LIMA1: variants seen among roughly 807,000 people sequenced by gnomAD.
LIMA1 encodes LIM domain and actin-binding protein 1.
A neutral mutation model predicts 62.6 loss-of-function variants in LIMA1; 52 were observed. The ratio of observed to expected loss-of-function variants is 0.83; its 90% CI spans 0.67 to 1.05. The LOEUF (loss-of-function observed/expected upper bound fraction) is 1.05. LIMA1 is among the 50% of genes least tolerant of loss of function. LIMA1 has a pLI of 0.00. For synonymous variants in LIMA1, 302 were observed against 317.8 expected (o/e 0.95, Z 0.53); for missense variants, 780 against 902.2 (o/e 0.86, Z 1.74).
intron 1 of LIMA1, among the ~76,000 whole-genome samples, chr12:50,262,455 C>T (rs1231330337): frequency 6.6e-6 from 1 of 151,930 alleles, no homozygotes; most frequent in Non-Finnish European, 1.5e-5. Context: ...GAGGTTCCCT[C>T]ATCAAATGCT....
chr12:50,261,636 T>C (rs898907774), intron 1 of LIMA1, among the ~76,000 whole-genome samples: 1 of 152,104 alleles, frequency 6.6e-6, no homozygotes, highest in Non-Finnish European at 1.5e-5. Context: ...CTATAAGTTC[T>C]CAAAGTATTA....
intron 1 of LIMA1, among the ~76,000 whole-genome samples, chr12:50,272,311 C>T (rs551865010): frequency 1.4e-4 from 22 of 151,870 alleles, no homozygotes; most frequent in African/African-American, 4.1e-4. Context: ...AGAAGCTGGC[C>T]GGGCACGGTG....
intron 1 of LIMA1, among the ~76,000 whole-genome samples, chr12:50,280,144 A>ATTTTTTTTTTTTTTT (rs71441354): frequency 1.5e-4 from 10 of 68,310 alleles, no homozygotes; most frequent in African/African-American, 5.4e-4. Context: ...GGGTAGTAGT[A>ATTTTTTTTTTTTTTT]TTTTTTTTTT....
At chr12:50,213,768 C>G (rs1170674158) in intron 4 of LIMA1, among the ~76,000 whole-genome samples, 1 of 152,208 alleles carries the variant, frequency 6.6e-6, no homozygotes, top group Non-Finnish European at 1.5e-5. Flanking sequence ...TGAAGTCTTT[C>G]TAGCCCCCTT....
chr12:50,245,699 C>G (rs572694196), intron 2 of LIMA1, among the ~76,000 whole-genome samples: 1 of 151,352 alleles, frequency 6.6e-6, no homozygotes, highest in Admixed American at 6.6e-5. Flanking sequence ...TGCTACAGCA[C>G]CCCCAGTGAG....
At position 50,205,914 on chromosome 12, in the gene LIMA1, G is replaced by A. The variant is rs541950869; in HGVS notation, c.715+70C>T. On this transcript the variant is annotated intron_variant, in intron 5 of 10. Transcript: ENST00000341247. ...CTCTTCCTTTAAAAGCATTGGCTTCGAGTCCAAAAGATGTTACTACTAGTG... is the reference window on the plus strand; with the variant it reads ...CTCTTCCTTTAAAAGCATTGGCTTCAAGTCCAAAAGATGTTACTACTAGTG... 1.3e-4 allele frequency: 143 copies of A among 1,084,368 alleles called. 1 individual carries two copies. In the Middle Eastern group the frequency reaches 2.2e-3, roughly 16 times the overall value. 67.2% of individuals were successfully genotyped at this position (1,084,368 alleles called of 1,614,324 possible).
At chr12:50,248,868 G>C in intron 1 of LIMA1, 94 bp from the exon 2 acceptor site, 1 of 695,574 alleles carries the variant, frequency 1.4e-6, no homozygotes, top group Non-Finnish European at 2.6e-6. Context: ...TAAACTTGCA[G>C]ACCACACTCC....
rs144016161 is a variant in LIMA1 at position 50,193,941 on chromosome 12, C to T, written c.1031-1380G>A. Reference sequence around the variant, plus strand: ...TCAACCTCACGAAGTGCTGGGATTACAGGCATGAGCCATAGCGCCCAGCAA... The same window carrying T: ...TCAACCTCACGAAGTGCTGGGATTATAGGCATGAGCCATAGCGCCCAGCAA... On this transcript the variant is annotated intron_variant, in intron 8 of 10. Transcript: ENST00000341247. Among the ~76,000 whole-genome samples the T allele has an allele frequency of 7.4e-3, 1,106 of 148,596 alleles. 15 individuals carry two copies. The highest frequency in any genetic ancestry group is 0.026 in the African/African-American group (1,047 of 40,554).
intron 9 of LIMA1, among the ~76,000 whole-genome samples, chr12:50,192,046 A>C (rs1368273672): frequency 1.3e-5 from 2 of 149,622 alleles, no homozygotes; most frequent in African/African-American, 4.9e-5. Flanking sequence ...GAGACAGGAG[A>C]ATTGCTTGAA....
intron 9 of LIMA1, among the ~76,000 whole-genome samples, chr12:50,184,432 C>T (rs942088552): frequency 5.9e-5 from 9 of 152,088 alleles, no homozygotes; most frequent in South Asian, 2.1e-4. Context: ...CACTTGAGGT[C>T]GAAGTTCCAG....
intron 2 of LIMA1, among the ~76,000 whole-genome samples, chr12:50,243,468 C>T (rs1039409261): frequency 1.3e-5 from 2 of 152,184 alleles, no homozygotes; most frequent in Admixed American, 6.5e-5. Context: ...ACCCTCAACG[C>T]GCCTGATCTC....
chr12:50,240,101 A>AG (rs1565854766), intron 2 of LIMA1, among the ~76,000 whole-genome samples: 4 of 152,120 alleles, frequency 2.6e-5, no homozygotes, highest in Non-Finnish European at 5.9e-5. Context: ...TGAGAAAATG[A>AG]CCTGTAGGCT....
At chr12:50,282,291 T>C (rs930489032) in intron 1 of LIMA1, among the ~76,000 whole-genome samples, 1 of 152,180 alleles carries the variant, frequency 6.6e-6, no homozygotes, top group African/African-American at 2.4e-5. Context: ...TCCTGAAATA[T>C]TTAGCATTTG....
intron 2 of LIMA1, among the ~76,000 whole-genome samples, chr12:50,247,612 T>TTAC (rs1296912518): frequency 6.8e-6 from 1 of 146,908 alleles, no homozygotes; most frequent in Admixed American, 6.8e-5. Context: ...GGAATTATTA[T>TTAC]TATTATTATT....
chr12:50,240,056 C>CATAACATAAG lies in LIMA1; in HGVS notation c.120-8347_120-8346insCTTATGTTAT, dbSNP rs550347743. 7.1e-5 allele frequency among the ~76,000 whole-genome samples: 8 copies of CATAACATAAG among 113,182 alleles called. No homozygotes were observed. In the Admixed American group the frequency reaches 7.3e-4, roughly 10 times the overall value. The allele number at this position is 113,182 out of a possible 152,430, so 74.3% of individuals were successfully genotyped here. A position where few individuals can be genotyped will look rare whatever the true frequency, so the allele number is the denominator to read the frequency against. ...CATAACATAACATAACATAACATAA[C>CATAACATAAG]ATAAAATAAAAAATTTTTAAAAGGA... On this transcript the variant is annotated intron_variant, in intron 2 of 10. Coordinates refer to ENST00000341247, the MANE Select transcript of LIMA1 (RefSeq NM_016357.5).
At chr12:50,214,552 T>C (rs1312209990) in intron 4 of LIMA1, among the ~76,000 whole-genome samples, 1 of 152,272 alleles carries the variant, frequency 6.6e-6, no homozygotes, top group African/African-American at 2.4e-5. Context: ...CTCACACCTA[T>C]AATCCCAGCA....
At chr12:50,262,148 CCTT>C (rs926364554) in intron 1 of LIMA1, among the ~76,000 whole-genome samples, 7 of 152,134 alleles carry the variant, frequency 4.6e-5, no homozygotes, top group African/African-American at 1.4e-4. Context: ...TTAGTTAACT[CCTT>C]CTACTGAGAT....
chr12:50,199,919 G>C (rs1402700294), intron 7 of LIMA1, among the ~76,000 whole-genome samples: 1 of 151,494 alleles, frequency 6.6e-6, no homozygotes, highest in Non-Finnish European at 1.5e-5. Flanking sequence ...TTGAGATGGA[G>C]TTTCGCTCTT....
At chr12:50,276,517 T>G (rs1309518809) in intron 1 of LIMA1, among the ~76,000 whole-genome samples, 1 of 152,170 alleles carries the variant, frequency 6.6e-6, no homozygotes, top group East Asian at 1.9e-4. Flanking sequence ...AGTGAGTATT[T>G]AACCAATCTC....
Sources: allele counts gnomAD v4.1 joint callset (sites outside exome capture counted in the v4.1 genomes callset), GRCh38; gene constraint gnomAD v4.1.1; transcripts MANE v1.5; gene names NCBI Gene and HGNC (gene_info 2026-07-23, HGNC 2026-07-21).